Variants in PARD3B observed in about 807,000 individuals in gnomAD.
The protein encoded by PARD3B is partitioning defective 3 homolog B.
In PARD3B, 103 loss-of-function variants were observed where a neutral mutation model predicts 130.2. The ratio of observed to expected loss-of-function variants is 0.79; its 90% confidence interval spans 0.67 to 0.93. PARD3B has a LOEUF of 0.93. Ranked by LOEUF, PARD3B falls within the 40% of genes least tolerant of loss-of-function variation. The pLI is 0.00. For synonymous variants in PARD3B, 583 were observed against 553.2 expected (o/e 1.05, Z -0.76); for missense variants, 1,609 against 1,499.2 (o/e 1.07, Z -1.21).
chr2:205,298,596 T>A (rs1012992420), intron 16 of PARD3B, among the ~76,000 whole-genome samples: 1 of 152,174 alleles, frequency 6.6e-6, no homozygotes, highest in Non-Finnish European at 1.5e-5. Context: ...TAATAGCCAG[T>A]AGGGTTTATA....
At chr2:204,994,020 C>CA (rs1223052879) in intron 3 of PARD3B, among the ~76,000 whole-genome samples, 24 of 150,834 alleles carry the variant, frequency 1.6e-4, no homozygotes, top group African/African-American at 5.8e-4. Context: ...TTGATCCTTT[C>CA]AAAAAACCAG....
At chr2:205,138,985 A>G (rs925186097) in intron 10 of PARD3B, among the ~76,000 whole-genome samples, 1 of 152,190 alleles carries the variant, frequency 6.6e-6, no homozygotes, top group East Asian at 1.9e-4. Flanking sequence ...CTTCACTCCC[A>G]TAGCCAGCTC....
chr2:205,372,061 T>C (rs934485199), intron 18 of PARD3B, among the ~76,000 whole-genome samples: 5 of 152,194 alleles, frequency 3.3e-5, no homozygotes, highest in African/African-American at 9.6e-5. Flanking sequence ...CATTCATCAG[T>C]TGATGGACAT....
intron 2 of PARD3B, among the ~76,000 whole-genome samples, chr2:204,705,351 T>A (rs980125085): frequency 6.6e-6 from 1 of 152,134 alleles, no homozygotes; most frequent in Admixed American, 6.5e-5. Context: ...TGGTAATGGC[T>A]ATAAAGACAC....
In PARD3B at chr2:205,116,948, G is replaced by T. The variant is rs180998564; in HGVS notation, c.681-1973G>T. On this transcript the variant is annotated intron_variant, in intron 6 of 22. Coordinates refer to ENST00000406610, the MANE Select transcript of PARD3B (RefSeq NM_001302769.2). This position sits in a 1 kb window ranked among gnomAD's most constrained non-coding sequence, Gnocchi z 4.5. ...TAAATTGCAACCCAGTGGCCCGAAA[G>T]AATTAATTCATCTCCCAAAATGTGA... Among the ~76,000 whole-genome samples the T allele has an allele frequency of 2.0e-3, 306 of 152,246 alleles. 2 individuals carry two copies. The highest frequency in any genetic ancestry group is 6.2e-3 in the Admixed American group (95 of 15,302).
rs981694686 is a variant in PARD3B, at chr2:205,473,534, C to G, written c.3045-26362C>G. On this transcript the variant is annotated intron_variant, in intron 20 of 22. Transcript: ENST00000406610. The surrounding 1 kb of genome is among the most constrained non-coding windows in gnomAD (Gnocchi z 4.9). ...GCCTGACAGTAGGGCACGTTTCACTCATTAATATGGGTGATATCTTACATT... is the reference window on the plus strand; with the variant it reads ...GCCTGACAGTAGGGCACGTTTCACTGATTAATATGGGTGATATCTTACATT... 6.6e-6 allele frequency among the ~76,000 whole-genome samples: 1 copy of G among 151,388 alleles called. No homozygotes were observed. The highest frequency in any genetic ancestry group is 1.5e-5 in the Non-Finnish European group (1 of 67,834).
rs533318795 is a variant in PARD3B, at chr2:205,565,191, C to T, written c.3260+11788C>T. On this transcript the variant is annotated intron_variant, in intron 22 of 22. Transcript: ENST00000406610. ...CCAGAAATGATAGTGTCTGACAGCC[C>T]GGGTTTTACAAGGCACTGGAAAGAT... Among the ~76,000 whole-genome samples the T allele has an allele frequency of 2.6e-4, 40 of 152,182 alleles. 1 individual carries two copies. The highest frequency in any genetic ancestry group is 2.0e-3 in the Admixed American group (31 of 15,284).
At chr2:205,215,683 T>G (rs2037871571) in intron 15 of PARD3B, among the ~76,000 whole-genome samples, 1 of 152,090 alleles carries the variant, frequency 6.6e-6, no homozygotes, top group South Asian at 2.1e-4. Context: ...TGTTGGCCAT[T>G]TAAATGAATG....
chr2:204,553,409 A>C (rs1050317342), intron 1 of PARD3B, among the ~76,000 whole-genome samples: 49 of 151,862 alleles, frequency 3.2e-4, no homozygotes, highest in African/African-American at 1.2e-3. Context: ...GTATCTACCT[A>C]GAGGAAAATA....
At chr2:204,630,617 T>C (rs1176003931) in intron 1 of PARD3B, among the ~76,000 whole-genome samples, 1 of 152,210 alleles carries the variant, frequency 6.6e-6, no homozygotes, top group Non-Finnish European at 1.5e-5. Context: ...CTTTTAGTGG[T>C]AAAATGGATT....
At chr2:205,198,014 C>A (rs2036788268) in intron 15 of PARD3B, among the ~76,000 whole-genome samples, 1 of 152,170 alleles carries the variant, frequency 6.6e-6, no homozygotes. Flanking sequence ...AATTTCCAGG[C>A]TTGGTGTTTT....
intron 16 of PARD3B, among the ~76,000 whole-genome samples, chr2:205,273,611 C>T (rs1049200009): frequency 2.0e-5 from 3 of 152,086 alleles, no homozygotes; most frequent in African/African-American, 7.2e-5. Flanking sequence ...AATGGATTTG[C>T]GTAAGAGTTC....
chr2:205,050,106 G>A (rs888601648), intron 4 of PARD3B, among the ~76,000 whole-genome samples: 2 of 151,672 alleles, frequency 1.3e-5, no homozygotes, highest in African/African-American at 4.8e-5. Flanking sequence ...ACTTAGGAAT[G>A]CAAGACACGT....
rs1704029147 is a variant in PARD3B at position 205,116,359 on chromosome 2, C to T, written c.681-2562C>T. ...AAGACTGTGAGAAGAGATGTTCAAA[C>T]CAAAATTCTAAGCTGGTAGAGTCAC... is the stretch of plus-strand genomic sequence containing the variant. On this transcript the variant is annotated intron_variant, in intron 6 of 22. Coordinates refer to ENST00000406610, the MANE Select transcript of PARD3B (RefSeq NM_001302769.2). The surrounding 1 kb of genome is among the most constrained non-coding windows in gnomAD (Gnocchi z 4.5). Among the ~76,000 whole-genome samples, 1 of 152,008 alleles carries T rather than the reference C, an allele frequency of 6.6e-6. No homozygotes were observed. The highest frequency in any genetic ancestry group is 2.1e-4 in the South Asian group (1 of 4,820).
chr2:205,191,735 A>C (rs1364989085), intron 14 of PARD3B, among the ~76,000 whole-genome samples: 1 of 152,218 alleles, frequency 6.6e-6, no homozygotes, highest in Non-Finnish European at 1.5e-5. Context: ...TACATAAGGA[A>C]ATTGAAGCCC....
chr2:205,147,845 T>TA (rs774698287), intron 10 of PARD3B, among the ~76,000 whole-genome samples: 2 of 152,168 alleles, frequency 1.3e-5, no homozygotes, highest in Non-Finnish European at 2.9e-5. Context: ...ACTCTTCTCT[T>TA]ATTTATTGCA....
intron 2 of PARD3B, among the ~76,000 whole-genome samples, chr2:204,687,256 G>A (rs2037130070): frequency 6.6e-6 from 1 of 151,940 alleles, no homozygotes; most frequent in Non-Finnish European, 1.5e-5. Context: ...ATTAATCTTT[G>A]CAGACATCTT....
intron 20 of PARD3B, among the ~76,000 whole-genome samples, chr2:205,471,712 G>A (rs543669680): frequency 7.9e-4 from 120 of 152,126 alleles, no homozygotes; most frequent in Non-Finnish European, 1.4e-3. Context: ...ATACTCACTA[G>A]AAAATACCTT....
intron 16 of PARD3B, among the ~76,000 whole-genome samples, chr2:205,273,340 G>A (rs1179674165): frequency 6.6e-6 from 1 of 152,214 alleles, no homozygotes; most frequent in Non-Finnish European, 1.5e-5. Context: ...TCACCCAGTG[G>A]AAAGAGTTCG....
Sources: allele counts gnomAD v4.1 joint callset (sites outside exome capture counted in the v4.1 genomes callset), GRCh38; gene constraint gnomAD v4.1.1; non-coding constraint Gnocchi (gnomAD v3.1); transcripts MANE v1.5; gene names NCBI Gene and HGNC (gene_info 2026-07-23, HGNC 2026-07-21).